RMDN1: variants seen among roughly 807,000 people sequenced by gnomAD.
RMDN1 encodes regulator of microtubule dynamics 1.
RMDN1 carries 48 observed loss-of-function variants against 48.9 expected under a neutral mutation model. The observed-to-expected ratio is 0.98, with a 90% confidence interval of 0.78 to 1.25. The LOEUF is 1.25. Ranked by LOEUF, RMDN1 falls within the 50% of genes most tolerant of loss-of-function variation. RMDN1 has a pLI of 0.00. For missense variants in RMDN1, 418 were observed against 373.4 expected, an observed-to-expected ratio of 1.12 and a Z score of -0.98; for synonymous variants, 148 against 132.6, an observed-to-expected ratio of 1.12 and a Z score of -0.80.
chr8:86,482,577 A>C (rs961504680), intron 5 of RMDN1: 1 of 747,204 alleles, frequency 1.3e-6, no homozygotes, highest in Non-Finnish European at 2.5e-6. Context: ...CTAAGAAGTT[A>C]ATGAGTGAGT....
chr8:86,496,879 C>G (rs1817457927), intron 2 of RMDN1, among the ~76,000 whole-genome samples: 1 of 151,976 alleles, frequency 6.6e-6, no homozygotes, highest in African/African-American at 2.4e-5. Flanking sequence ...AGATAGGCCA[C>G]ATGCTTGGCC....
chr8:86,513,307 G>A (rs572763294), upstream of RMDN1, among the ~76,000 whole-genome samples: 163 of 152,282 alleles, frequency 1.1e-3, no homozygotes, highest in African/African-American at 3.7e-3. Flanking sequence ...CCCGGGAGGC[G>A]GAGGTTGTGG....
In RMDN1 at chr8:86,479,003, T is replaced by C; in HGVS notation, c.649A>G (p.Thr217Ala). Reference protein sequence around the residue: ...SIHLMGIWCYTFAEMPWYQRR... With the variant: ...SIHLMGIWCYAFAEMPWYQRR... The stretch of plus-strand genomic sequence containing the variant: ...TGATACCAAGGCATTTCGGCAAATG[T>C]ATAGCACCTACAGGGAAATAAAACA... Residue 217 changes from threonine (T) to alanine (A), a missense_variant, in exon 7 of 10, where the codon ACA (threonine) becomes GCA (alanine). Coordinates refer to ENST00000406452, the MANE Select transcript of RMDN1 (RefSeq NM_016033.3). The C allele has an allele frequency of 6.2e-7, 1 of 1,612,864 alleles. No individual in the cohort carries two copies. The highest frequency in any genetic ancestry group is 8.5e-7 in the Non-Finnish European group (1 of 1,178,956).
chr8:86,503,923 T>G, intron 2 of RMDN1: 1 of 728,594 alleles, frequency 1.4e-6, no homozygotes, highest in Non-Finnish European at 2.6e-6. Context: ...AGCAGCTGAG[T>G]TGGTTGAAAT....
At chr8:86,500,736 C>G (rs1818070447) in intron 2 of RMDN1, among the ~76,000 whole-genome samples, 1 of 152,124 alleles carries the variant, frequency 6.6e-6, no homozygotes, top group Non-Finnish European at 1.5e-5. Flanking sequence ...AAGTGACACA[C>G]ACGTCCTTAA....
Position 86,503,377 on chromosome 8 carries a change from A to AAAAAC in RMDN1, c.247+3617_247+3618insGTTTT, listed in dbSNP as rs1563656432. Among the ~76,000 whole-genome samples, 206 of 113,452 alleles carry AAAAAC rather than the reference A, an allele frequency of 1.8e-3. 5 individuals carry two copies. Among genetic ancestry groups the AAAAAC allele is most frequent in the African/African-American group, 9.6e-3 (194 of 20,156 alleles). 74.4% of individuals were successfully genotyped at this position (113,452 alleles called of 152,430 possible). A position where few individuals can be genotyped will look rare whatever the true frequency, so the allele number is the denominator to read the frequency against. ...AAAACAAAACAAAACAAAACAAAAA[A>AAAAAC]AAAAAAAAAAAACAAAAAAAAATAA... On this transcript the variant is annotated intron_variant, in intron 2 of 9. Coordinates refer to ENST00000406452, the MANE Select transcript of RMDN1 (RefSeq NM_016033.3).
At chr8:86,494,157 A>T (rs1170109911) in intron 2 of RMDN1, among the ~76,000 whole-genome samples, 3 of 152,222 alleles carry the variant, frequency 2.0e-5, no homozygotes, top group Non-Finnish European at 2.9e-5. Flanking sequence ...ACCATAGTTA[A>T]TAATAATGTA....
intron 7 of RMDN1, 145 bp downstream of exon 7, chr8:86,478,778 A>AATG: frequency 1.4e-6 from 1 of 728,636 alleles, no homozygotes; most frequent in Non-Finnish European, 2.4e-6. Context: ...AATAAGTGTT[A>AATG]AGCCTTGTGA....
chr8:86,481,640 G>T, intron 5 of RMDN1: 1 of 330,362 alleles, frequency 3.0e-6, no homozygotes. Context: ...GAGGAAGGAA[G>T]GAGAAGACCT....
chr8:86,477,736 A>G (rs1813629082), intron 7 of RMDN1, among the ~76,000 whole-genome samples: 1 of 152,204 alleles, frequency 6.6e-6, no homozygotes, highest in Admixed American at 6.5e-5. Context: ...TATTATTGAA[A>G]TTCCTACATA....
chr8:86,474,355 G>A lies in RMDN1; in HGVS notation c.898C>T (p.Gln300Ter). The change falls in exon 10 of 10, where the codon CAG (glutamine) becomes TAG (stop). Residue 300 changes from glutamine to a stop codon, truncating the protein, a stop_gained. Transcript: ENST00000406452. LOFTEE classifies it high-confidence loss of function. Reference sequence around the variant, plus strand: ...GTAAGCAACTGAGCAGCTTCTGTCTGTATCTAAAATGGAAAAATACATGTT... The same window carrying A: ...GTAAGCAACTGAGCAGCTTCTGTCTATATCTAAAATGGAAAAATACATGTT... ...PAHTEEDKQI[Q>*]TEAAQLLTSF... The A allele has an allele frequency of 1.9e-6, 3 of 1,610,020 alleles. No individual in the cohort carries two copies. The highest frequency in any genetic ancestry group is 2.5e-6 in the Non-Finnish European group (3 of 1,176,552).
At chr8:86,480,360 T>TG in intron 5 of RMDN1, 28 bp from the exon 6 acceptor site, 6 of 1,336,574 alleles carry the variant, frequency 4.5e-6, no homozygotes, top group Non-Finnish European at 5.1e-6. Flanking sequence ...AAATAAATCA[T>TG]ATTTGTTTTC....
At chr8:86,483,654 CCAGT>C (rs908224773) in intron 5 of RMDN1, among the ~76,000 whole-genome samples, 1 of 152,088 alleles carries the variant, frequency 6.6e-6, no homozygotes, top group African/African-American at 2.4e-5. Flanking sequence ...CTCTGGACTC[CCAGT>C]CATTCTTTTT....
chr8:86,470,767 AAGTATCAC>A (rs1282665837), downstream of RMDN1, among the ~76,000 whole-genome samples: 3 of 152,306 alleles, frequency 2.0e-5, no homozygotes, highest in African/African-American at 7.2e-5. Flanking sequence ...GAGTGAAAAA[AAGTATCAC>A]AGGGTCTCAC....
chr8:86,509,130 TCA>T (rs779320012), upstream of RMDN1, among the ~76,000 whole-genome samples: 6 of 152,110 alleles, frequency 3.9e-5, no homozygotes, highest in African/African-American at 7.2e-5. Context: ...AGGGAAAGTC[TCA>T]GTCTCTTCGA....
chr8:86,473,641 C>A lies in RMDN1; in HGVS notation c.*667G>T. The A allele has an allele frequency of 2.8e-6, 1 of 358,420 alleles. No homozygotes were observed. The highest frequency in any genetic ancestry group is 3.9e-6 in the Non-Finnish European group (1 of 256,960). 22.2% of individuals were successfully genotyped at this position (358,420 alleles called of 1,614,324 possible). A position where few individuals can be genotyped will look rare whatever the true frequency, so the allele number is the denominator to read the frequency against. On this transcript the variant is annotated 3_prime_UTR_variant, in exon 10 of 10. Transcript: ENST00000406452. Reference sequence around the variant, plus strand: ...GTTAGCCGAGTGTGGTGGTACAACCCTGTAATCCCAGCCACTCAGGAGGCT... The same window carrying A: ...GTTAGCCGAGTGTGGTGGTACAACCATGTAATCCCAGCCACTCAGGAGGCT...
intron 5 of RMDN1, chr8:86,482,560 A>C (rs1424370944): frequency 1.4e-6 from 1 of 737,948 alleles, no homozygotes; most frequent in Non-Finnish European, 2.5e-6. Context: ...CTTGCCTGTC[A>C]AATTCACTAA....
At chr8:86,507,765 C>A (rs1167294896) in intron 1 of RMDN1, among the ~76,000 whole-genome samples, 1 of 152,190 alleles carries the variant, frequency 6.6e-6, no homozygotes, top group Non-Finnish European at 1.5e-5. Context: ...TTATAAACTT[C>A]CAAGGAAGGG....
chr8:86,496,081 T>C (rs565582040), intron 2 of RMDN1, among the ~76,000 whole-genome samples: 13 of 152,234 alleles, frequency 8.5e-5, no homozygotes, highest in Admixed American at 2.6e-4. Context: ...AGAAATAGAA[T>C]CCTTTTCAGA....
Sources: allele counts gnomAD v4.1 joint callset (sites outside exome capture counted in the v4.1 genomes callset), GRCh38; gene constraint gnomAD v4.1.1; transcripts MANE v1.5; gene names NCBI Gene and HGNC (gene_info 2026-07-23, HGNC 2026-07-21).